GPLD1: variants seen among roughly 807,000 people sequenced by gnomAD.
GPLD1 encodes the protein glycosylphosphatidylinositol specific phospholipase D1.
A neutral mutation model predicts 112.6 loss-of-function variants in GPLD1; 84 were observed. That is an observed-to-expected ratio of 0.75 (90% CI 0.63 to 0.89). GPLD1 has a LOEUF of 0.89. Among genes scored for constraint, GPLD1 ranks in the 40% least tolerant of loss-of-function variants. The pLI, the probability that GPLD1 is intolerant of heterozygous loss-of-function variation, is 0.00. For synonymous variants in GPLD1, 386 were observed against 403.8 expected, an observed-to-expected ratio of 0.96 and a Z score of 0.53; for missense variants, 1,044 against 1,051.5, an observed-to-expected ratio of 0.99 and a Z score of 0.10.
chr6:24,450,274 G>A (rs1763040033), intron 14 of GPLD1, among the ~76,000 whole-genome samples: 1 of 152,196 alleles, frequency 6.6e-6, no homozygotes, highest in South Asian at 2.1e-4. Context: ...CACTTTGGGA[G>A]GCCTGAACCT....
At chr6:24,487,032 C>G (rs563620650) in intron 1 of GPLD1, among the ~76,000 whole-genome samples, 1 of 152,290 alleles carries the variant, frequency 6.6e-6, no homozygotes, top group Non-Finnish European at 1.5e-5. Flanking sequence ...AATAAGAGGA[C>G]TAACATTCCC....
rs561245330 is a variant in GPLD1, at chr6:24,427,990, G to C, written c.*1042C>G. ...TATGAACACAAAACAACACACACTG[G>C]GGTCTACTTGAGTGGGGAAGGTGGG... is the stretch of plus-strand genomic sequence containing the variant. On this transcript the variant is annotated 3_prime_UTR_variant, in exon 25 of 25. Coordinates refer to ENST00000230036, the MANE Select transcript of GPLD1 (RefSeq NM_001503.4). Among the ~76,000 whole-genome samples, 1 of 152,196 alleles carries C rather than the reference G, an allele frequency of 6.6e-6. No individual in the cohort carries two copies. Among genetic ancestry groups the C allele is most frequent in the South Asian group, 2.1e-4 (1 of 4,830 alleles).
chr6:24,472,037 C>T (rs138072930), intron 7 of GPLD1, among the ~76,000 whole-genome samples: 1,841 of 152,258 alleles, frequency 0.012, 17 homozygotes, highest in Middle Eastern at 0.051. Flanking sequence ...TTTGTAATAA[C>T]TAAGTGACAA....
intron 14 of GPLD1, among the ~76,000 whole-genome samples, chr6:24,450,880 G>A (rs2127337601): frequency 6.6e-6 from 1 of 152,166 alleles, no homozygotes; most frequent in East Asian, 1.9e-4. Context: ...GCTGAGGCAG[G>A]AGAATCGCTT....
chr6:24,431,786 C>T lies in GPLD1; in HGVS notation c.2436+1401G>A, dbSNP rs551154628. Among the ~76,000 whole-genome samples the T allele has an allele frequency of 4.7e-4, 71 of 152,130 alleles. 1 individual carries two copies. Among genetic ancestry groups the T allele is most frequent in the African/African-American group, 1.3e-3 (56 of 41,514 alleles). ...CTGACCTCAGGCGATCCACCAACCT[C>T]GGCTTCTCAAAGTGCTGGGATTACA... is the stretch of plus-strand genomic sequence containing the variant. On this transcript the variant is annotated intron_variant, in intron 24 of 24. Transcript: ENST00000230036.
chr6:24,493,340 G>A (rs1418789478), upstream of GPLD1, among the ~76,000 whole-genome samples: 1 of 152,146 alleles, frequency 6.6e-6, no homozygotes, highest in Non-Finnish European at 1.5e-5. Context: ...GCTGGGCTTG[G>A]TGGCACACAC....
intron 15 of GPLD1, 127 bp from the exon 16 acceptor site, chr6:24,448,335 T>A: frequency 5.0e-6 from 2 of 403,702 alleles, no homozygotes; most frequent in Non-Finnish European, 9.6e-6. Flanking sequence ...ATCCCAGTGC[T>A]TTGGGAGGCC....
At chr6:24,491,493 G>A (rs563804622), upstream of GPLD1, among the ~76,000 whole-genome samples, 3 of 152,268 alleles carry the variant, frequency 2.0e-5, no homozygotes, top group Admixed American at 2.0e-4. Flanking sequence ...GAGGCCAGGA[G>A]TTCAAAACCA....
In GPLD1 at chr6:24,445,794, TC is replaced by T; in HGVS notation, c.1857del (p.Ser620AlafsTer38). On this transcript the variant is annotated frameshift_variant, in exon 19 of 25. Transcript: ENST00000230036. LOFTEE classifies it high-confidence loss of function. Reference protein sequence around the residue: ...GHLLHIRDEKKSLGRVYGYFP... With the variant: ...GHLLHIRDEKXSLGRVYGYFP... ...AAGTAGCCATACACCCTCCCAAGGC[TC>T]TTTTTCTCATCTCGGATGTGTAACA... 1.2e-6 allele frequency: 2 copies of T among 1,613,762 alleles called. No homozygotes were observed. Among genetic ancestry groups the T allele is most frequent in the Non-Finnish European group, 1.7e-6 (2 of 1,179,864 alleles).
chr6:24,480,288 G>A (rs1366781699), intron 2 of GPLD1, among the ~76,000 whole-genome samples: 1 of 152,092 alleles, frequency 6.6e-6, no homozygotes, highest in Non-Finnish European at 1.5e-5. Context: ...AGGCCTTAAG[G>A]TTGTTTTACT....
intron 22 of GPLD1, among the ~76,000 whole-genome samples, chr6:24,434,086 A>T (rs551985007): frequency 2.6e-5 from 4 of 152,240 alleles, no homozygotes; most frequent in Non-Finnish European, 5.9e-5. Flanking sequence ...TTCTCGGTAT[A>T]TTGTTAGGTA....
At position 24,449,694 on chromosome 6, in the gene GPLD1, G is replaced by C. The variant is rs1002500376; in HGVS notation, c.1446+95C>G. The C allele has an allele frequency of 2.9e-5, 23 of 786,146 alleles. No individual in the cohort carries two copies. In the South Asian group the frequency reaches 3.7e-4, roughly 13 times the overall value. 48.7% of individuals were successfully genotyped at this position (786,146 alleles called of 1,614,324 possible). A position where few individuals can be genotyped will look rare whatever the true frequency, so the allele number is the denominator to read the frequency against. On this transcript the variant is annotated intron_variant, in intron 15 of 24. Transcript: ENST00000230036. ...GCTCTGTCTCACACACTGGCTGTCTGCTTTGCTCCAGGGGCTCATCCCAGC... is the reference window on the plus strand; with the variant it reads ...GCTCTGTCTCACACACTGGCTGTCTCCTTTGCTCCAGGGGCTCATCCCAGC...
rs148036876 is a variant in GPLD1, at chr6:24,445,554, G to A, written c.2012C>T (p.Pro671Leu). The change falls in exon 20 of 25, where the codon CCT (proline) becomes CTT (leucine). Residue 671 changes from proline (P) to leucine (L), a missense_variant. Transcript: ENST00000230036. Reference sequence around the variant, plus strand: ...CACAGTGTGTGACCTACCGTACGTAGGGGCTCCAACCAGCAGCACTTGTTT... The same window carrying A: ...CACAGTGTGTGACCTACCGTACGTAAGGGCTCCAACCAGCAGCACTTGTTT... ...TLKQVLLVGA[P>L]TYDDVSKVAF... The A allele has an allele frequency of 3.7e-6, 6 of 1,611,706 alleles. No individual in the cohort carries two copies. The highest frequency in any genetic ancestry group is 5.1e-6 in the Non-Finnish European group (6 of 1,177,914).
Position 24,448,159 on chromosome 6 carries a change from G to A in GPLD1, c.1496C>T (p.Ser499Phe), listed in dbSNP as rs771986409. Residue 499 changes from serine to phenylalanine, a missense_variant, in exon 16 of 25, where the codon TCC becomes TTC. Coordinates refer to ENST00000230036, the MANE Select transcript of GPLD1 (RefSeq NM_001503.4). Reference protein sequence around the residue: ...FGSKQGGMSSSPNITISCQDI... With the variant: ...FGSKQGGMSSFPNITISCQDI... ...CTGGCAAGAAATGGTGATGTTAGGG[G>A]AAGAAGACATTCCTCCTTGTTTGGA... is the stretch of plus-strand genomic sequence containing the variant. The A allele has an allele frequency of 6.2e-7, 1 of 1,611,282 alleles. No individual in the cohort carries two copies. The highest frequency in any genetic ancestry group is 8.5e-7 in the Non-Finnish European group (1 of 1,179,302).
intron 10 of GPLD1, 64 bp from the exon 11 acceptor site, chr6:24,462,859 G>T: frequency 3.3e-5 from 38 of 1,163,832 alleles, no homozygotes; most frequent in Non-Finnish European, 4.8e-5. Flanking sequence ...ATTTTACCGA[G>T]AATCGGTAGT....
upstream of GPLD1, chr6:24,495,219 A>C (rs1338895417): frequency 6.6e-7 from 1 of 1,508,514 alleles, no homozygotes. Context: ...GGCCGCCGCC[A>C]CCTTCCCCGT....
At chr6:24,443,300 AT>A in intron 20 of GPLD1, among the ~76,000 whole-genome samples, 1 of 152,308 alleles carries the variant, frequency 6.6e-6, no homozygotes, top group East Asian at 1.9e-4. Context: ...CTTCCCATTT[AT>A]TGGTTAGCAA....
chr6:24,436,314 G>T (rs1017481238), intron 22 of GPLD1, among the ~76,000 whole-genome samples: 3 of 152,118 alleles, frequency 2.0e-5, no homozygotes, highest in African/African-American at 7.2e-5. Flanking sequence ...TGTGCTGTGG[G>T]TGCCTAACCA....
intron 2 of GPLD1, among the ~76,000 whole-genome samples, chr6:24,483,575 G>A (rs1764272896): frequency 6.6e-6 from 1 of 151,940 alleles, no homozygotes; most frequent in Non-Finnish European, 1.5e-5. Context: ...GCTACCAGGA[G>A]GCTGAGGCAG....
Sources: allele counts gnomAD v4.1 joint callset (sites outside exome capture counted in the v4.1 genomes callset), GRCh38; gene constraint gnomAD v4.1.1; transcripts MANE v1.5; gene names NCBI Gene and HGNC (gene_info 2026-07-23, HGNC 2026-07-21).